The following RYR1 variants were observed in gnomAD, a reference collection of about 807,000 sequenced individuals.
RYR1 encodes central core disease of muscle.
A neutral mutation model predicts 583.5 loss-of-function variants in RYR1; 342 were observed. The ratio of observed to expected loss-of-function variants is 0.59; its 90% confidence interval spans 0.54 to 0.64. RYR1 has a LOEUF of 0.64. Among genes scored for constraint, RYR1 ranks in the 30% least tolerant of loss-of-function variants. The pLI is 0.00. For synonymous variants in RYR1, 2,791 were observed against 2,822.5 expected (o/e 0.99, Z 0.35); for missense variants, 6,032 against 6,917.2 (o/e 0.87, Z 4.54).
At position 38,452,978 on chromosome 19, in the gene RYR1, A is replaced by G; in HGVS notation, c.1404A>G (p.Arg468=). The G allele has an allele frequency of 6.2e-7, 1 of 1,613,940 alleles. No individual in the cohort carries two copies. Among genetic ancestry groups the G allele is most frequent in the Non-Finnish European group, 8.5e-7 (1 of 1,179,854 alleles). ...ACGAGGAGAAGCAGAGCAAGCTGCG[A>G]AGCCTGCGCAACCGCCAGAGCCTCT... ...LQHEEKQSKL[R]SLRNRQSLFQ... is the part of the protein sequence containing the mutation. The change falls in exon 13 of 106, where the codon CGA becomes CGG. Residue 468 remains arginine (R), a synonymous_variant. Transcript: ENST00000359596.
chr19:38,564,940 C>G lies in RYR1; in HGVS notation c.12625-19C>G. 3.8e-6 allele frequency: 6 copies of G among 1,564,026 alleles called. No individual in the cohort carries two copies. Among genetic ancestry groups the G allele is most frequent in the Non-Finnish European group, 5.2e-6 (6 of 1,156,044 alleles). On this transcript the variant is annotated intron_variant, in intron 90 of 105. Transcript: ENST00000359596. ...CCCCGCTGACGGCGCCCTATCCTGT[C>G]TGCCGCCCCTCGCTTCAGGTGAAGG...
intron 27 of RYR1, among the ~76,000 whole-genome samples, chr19:38,472,034 G>T (rs1968449262): frequency 6.6e-6 from 1 of 151,988 alleles, no homozygotes; most frequent in African/African-American, 2.4e-5. Context: ...ACGTGAGGAG[G>T]GGCATGAAAG....
In RYR1 at chr19:38,573,182, C is replaced by T. The variant is rs576384779; in HGVS notation, c.14004C>T (p.Pro4668=). The change falls in exon 96 of 106, where the codon CCC becomes CCT. Residue 4668 remains proline, a synonymous_variant. Transcript: ENST00000359596. The stretch of plus-strand genomic sequence containing the variant: ...GGCCTCCTCCCACTATCCAGGTGCC[C>T]CTGGTAATCTTTAAGCGGGAGAAGG... The part of the protein sequence containing the change: ...CIIGYNCLKV[P]LVIFKREKEL... 2 of 1,613,828 alleles carry T rather than the reference C, an allele frequency of 1.2e-6. No homozygotes were observed. Among genetic ancestry groups the T allele is most frequent in the African/African-American group, 2.7e-5 (2 of 75,044 alleles).
intron 84 of RYR1, among the ~76,000 whole-genome samples, chr19:38,538,846 A>T (rs929657612): frequency 6.6e-6 from 1 of 152,224 alleles, no homozygotes; most frequent in Admixed American, 6.5e-5. Flanking sequence ...ATGCAGTCTC[A>T]TGCAGCAAAC....
At chr19:38,577,361 T>G (rs1974005187) in intron 97 of RYR1, among the ~76,000 whole-genome samples, 1 of 152,236 alleles carries the variant, frequency 6.6e-6, no homozygotes, top group South Asian at 2.1e-4. Context: ...CACTCATATT[T>G]ACGGAGCACC....
rs34666293 is a variant in RYR1, at chr19:38,547,035, CTT to C, written c.12094+522_12094+523del. Among the ~76,000 whole-genome samples, 110 of 138,896 alleles carry C rather than the reference CTT, an allele frequency of 7.9e-4. 1 individual carries two copies. The highest frequency in any genetic ancestry group is 3.1e-3 in the East Asian group (14 of 4,588). The allele number at this position is 138,896 out of a possible 152,430, so 91.1% of individuals were successfully genotyped here. A position where few individuals can be genotyped will look rare whatever the true frequency, so the allele number is the denominator to read the frequency against. ...GATGAATGTGGATATATTAGGATCC[CTT>C]TTTTTTTTTTTTCTTTTCTGAGACG... On this transcript the variant is annotated intron_variant, in intron 88 of 105. Coordinates refer to ENST00000359596, the MANE Select transcript of RYR1 (RefSeq NM_000540.3).
chr19:38,586,541 T>C lies in RYR1; in HGVS notation c.14986T>C (p.Leu4996=). The change falls in exon 105 of 106, where the codon TTG becomes CTG. Residue 4996 remains leucine, a synonymous_variant. Transcript: ENST00000359596. ...CACCCTCAGGTTTTTCCTGATGTAT[T>C]TGATAAACAAGGATGAGACAGAACA... The part of the protein sequence containing the change: ...LANYMFFLMY[L]INKDETEHTG... The C allele has an allele frequency of 6.2e-7, 1 of 1,614,178 alleles. No individual in the cohort carries two copies.
At chr19:38,443,508 T>A in intron 3 of RYR1, 50 bp from the exon 4 acceptor site, 1 of 1,552,750 alleles carries the variant, frequency 6.4e-7, no homozygotes, top group Non-Finnish European at 8.8e-7. Context: ...CTTGGGGATC[T>A]GGAGAGTCCG....
At position 38,467,668 on chromosome 19, in the gene RYR1, C is replaced by T. The variant is rs1968179742; in HGVS notation, c.3237C>T (p.Ser1079=). ...TGCGCATCTTCCGGGCAGAGAAATC[C>T]TATACAGTGCAGAGCGGCCGCTGGT... The part of the protein sequence containing the change: ...DRVRIFRAEK[S]YTVQSGRWYF... The change falls in exon 25 of 106, where the codon TCC becomes TCT. Residue 1079 remains serine, a synonymous_variant. Coordinates refer to ENST00000359596, the MANE Select transcript of RYR1 (RefSeq NM_000540.3). 1 of 1,614,110 alleles carries T rather than the reference C, an allele frequency of 6.2e-7. No homozygotes were observed. The highest frequency in any genetic ancestry group is 1.7e-5 in the Admixed American group (1 of 60,004).
rs557714937 is a variant in RYR1, at chr19:38,512,523, G to A, written c.9472+40G>A. The A allele has an allele frequency of 1.6e-5, 25 of 1,582,320 alleles. No homozygotes were observed. The Admixed American group carries it at 3.8e-4, about 24-fold the overall frequency. ...CCCAAGGGCAGGTTGCGGGGAGTCA[G>A]TGTGGCCAACACCACCCATCCGGGT... On this transcript the variant is annotated intron_variant, in intron 63 of 105. Coordinates refer to ENST00000359596, the MANE Select transcript of RYR1 (RefSeq NM_000540.3). The surrounding 1 kb of genome is among the most constrained non-coding windows in gnomAD (Gnocchi z 5.1).
Position 38,512,536 on chromosome 19 carries a change from C to T in RYR1, c.9472+53C>T. 8 of 1,532,582 alleles carry T rather than the reference C, an allele frequency of 5.2e-6. No homozygotes were observed. Among genetic ancestry groups the T allele is most frequent in the Non-Finnish European group, 7.2e-6 (8 of 1,117,718 alleles). The allele number at this position is 1,532,582 out of a possible 1,614,324, so 94.9% of individuals were successfully genotyped here. ...TGCGGGGAGTCAGTGTGGCCAACAC[C>T]ACCCATCCGGGTGCCTGTGAGAGTC... On this transcript the variant is annotated intron_variant, in intron 63 of 105. Coordinates refer to ENST00000359596, the MANE Select transcript of RYR1 (RefSeq NM_000540.3). The surrounding 1 kb of genome is among the most constrained non-coding windows in gnomAD (Gnocchi z 5.1).
At chr19:38,449,176 A>G (rs1387983654) in intron 11 of RYR1, among the ~76,000 whole-genome samples, 1 of 152,012 alleles carries the variant, frequency 6.6e-6, no homozygotes, top group African/African-American at 2.4e-5. Flanking sequence ...AAACAGAGAC[A>G]CGGCCGGGCG....
chr19:38,495,382 G>A (rs1357212830), intron 39 of RYR1, among the ~76,000 whole-genome samples: 3 of 152,182 alleles, frequency 2.0e-5, no homozygotes. Flanking sequence ...GCCTCACTCT[G>A]TTGCCCAGGC....
intron 104 of RYR1, 150 bp downstream of exon 104, chr19:38,586,341 C>A (rs758728586): frequency 2.7e-6 from 3 of 1,095,254 alleles, no homozygotes; most frequent in East Asian, 2.5e-5. Context: ...AAGGGTGGGG[C>A]CCCGCAAGAT....
chr19:38,455,687 T>A lies in RYR1; in HGVS notation c.1727T>A (p.Ile576Asn). The A allele has an allele frequency of 6.2e-7, 1 of 1,613,978 alleles. No homozygotes were observed. The highest frequency in any genetic ancestry group is 1.1e-5 in the South Asian group (1 of 91,072). The change falls in exon 16 of 106, where the codon ATC becomes AAC. Residue 576 changes from isoleucine (I) to asparagine (N), a missense_variant. By Grantham distance (149) the Ile-to-Asn change is moderately radical. Around this residue, in one of 11 missense-constraint regions of RYR1, gnomAD observed 2,627 missense variants for 2,961.3 expected, o/e 0.89. Coordinates refer to ENST00000359596, the MANE Select transcript of RYR1 (RefSeq NM_000540.3). ...ATTGAGAGTCCAGAGGTTCTGAACA[T>A]CATCCAGGAGAATCACATCAAGTCC... ...VLIESPEVLN[I>N]IQENHIKSII...
At position 38,502,844 on chromosome 19, in the gene RYR1, G is replaced by T. The variant is rs199987776; in HGVS notation, c.7836-36G>T. 8.8e-5 allele frequency: 140 copies of T among 1,599,002 alleles called. No homozygotes were observed. The African/African-American group carries it at 1.5e-3, about 17-fold the overall frequency. The stretch of plus-strand genomic sequence containing the variant: ...GGGCAGGGGCAGCAGAGCGGGCCTG[G>T]ACGGGGGATTCTACATCTTGTGCAT... On this transcript the variant is annotated intron_variant, in intron 48 of 105. Coordinates refer to ENST00000359596, the MANE Select transcript of RYR1 (RefSeq NM_000540.3).
intron 34 of RYR1, among the ~76,000 whole-genome samples, chr19:38,487,259 C>T (rs1450530226): frequency 6.6e-6 from 1 of 152,196 alleles, no homozygotes; most frequent in Non-Finnish European, 1.5e-5. Flanking sequence ...TCTACCCGTT[C>T]CCTATCCTTC....
At chr19:38,478,029 C>T (rs1223431500) in intron 30 of RYR1, among the ~76,000 whole-genome samples, 159 bp downstream of exon 30, 1 of 151,704 alleles carries the variant, frequency 6.6e-6, no homozygotes, top group African/African-American at 2.4e-5. Flanking sequence ...CGGAAGCTTC[C>T]CTCCTCCTCT....
chr19:38,547,757 C>T (rs1024321905), intron 88 of RYR1, among the ~76,000 whole-genome samples: 17 of 151,638 alleles, frequency 1.1e-4, no homozygotes, highest in Non-Finnish European at 1.5e-5. Flanking sequence ...ACTCCATCAC[C>T]CAGGCTGGAG....
Sources: gnomAD v4.1 joint callset for allele counts (sites outside exome capture counted in the v4.1 genomes callset) on GRCh38, gnomAD v4.1.1 for gene constraint, gnomAD v4.1.1 regional missense constraint, Gnocchi (gnomAD v3.1) non-coding constraint, MANE v1.5 for transcripts, NCBI Gene and HGNC (gene_info 2026-07-23, HGNC 2026-07-21) for gene names.